Variants in CNGB3 observed in about 807,000 individuals in gnomAD.
CNGB3 encodes the protein cyclic nucleotide gated channel subunit beta 3.
A neutral mutation model predicts 92.8 loss-of-function variants in CNGB3; 86 were observed. The observed-to-expected ratio is 0.93, with a 90% CI of 0.78 to 1.11. The LOEUF (loss-of-function observed/expected upper bound fraction) is 1.11, where lower values mean the gene tolerates loss of function less well. CNGB3 is among the 50% of genes least tolerant of loss of function. The pLI is 0.00. For missense variants in CNGB3, 1,026 were observed against 956.8 expected (o/e 1.07, Z -0.95); for synonymous variants, 333 against 332.7 (o/e 1.00, Z -0.01).
chr8:86,704,958 C>T (rs1202484008), intron 3 of CNGB3, among the ~76,000 whole-genome samples: 2 of 152,116 alleles, frequency 1.3e-5, no homozygotes, highest in African/African-American at 4.8e-5. Context: ...AGGTCACCAG[C>T]AACCCACGAA....
chr8:86,632,991 C>T, intron 10 of CNGB3, 98 bp from the exon 11 acceptor site: 1 of 1,134,400 alleles, frequency 8.8e-7, no homozygotes, highest in Non-Finnish European at 1.3e-6. Flanking sequence ...TAACAAATTT[C>T]CTACTAATCA....
intron 3 of CNGB3, among the ~76,000 whole-genome samples, chr8:86,691,148 T>C (rs552908830): frequency 6.6e-6 from 1 of 152,264 alleles, no homozygotes; most frequent in South Asian, 2.1e-4. Context: ...GTAAAAGGAG[T>C]TGAGTTCTTG....
intron 8 of CNGB3, among the ~76,000 whole-genome samples, chr8:86,645,497 C>T (rs959478660): frequency 4.0e-4 from 61 of 151,234 alleles, no homozygotes; most frequent in African/African-American, 1.5e-3. Flanking sequence ...AAGATGCCCC[C>T]CAAAAGGGTT....
chr8:86,729,262 T>G (rs1350248067), intron 2 of CNGB3, among the ~76,000 whole-genome samples: 1 of 152,214 alleles, frequency 6.6e-6, no homozygotes, highest in African/African-American at 2.4e-5. Context: ...CATCTCTCAT[T>G]CAAGCTACAG....
intron 8 of CNGB3, among the ~76,000 whole-genome samples, chr8:86,645,745 T>A (rs1823282867): frequency 6.6e-6 from 1 of 151,338 alleles, no homozygotes; most frequent in African/African-American, 2.4e-5. Context: ...AACACTCAGA[T>A]TATAATTTAA....
intron 5 of CNGB3, 99 bp downstream of exon 5, chr8:86,667,920 A>G: frequency 7.8e-7 from 1 of 1,288,380 alleles, no homozygotes; most frequent in South Asian, 1.2e-5. Context: ...GATTGAGAAT[A>G]TGAAGTAAGG....
rs115638060 is a variant in CNGB3, at chr8:86,627,861, G to T, written c.1480+1058C>A. On this transcript the variant is annotated intron_variant, in intron 12 of 17. Transcript: ENST00000320005. ...GAACTACACAGGTCCACTTATACAAGAATTTTCTTCCGCCTCTGCTACACC... is the reference window on the plus strand; with the variant it reads ...GAACTACACAGGTCCACTTATACAATAATTTTCTTCCGCCTCTGCTACACC... Among the ~76,000 whole-genome samples the T allele has an allele frequency of 3.2e-3, 493 of 152,248 alleles. 1 individual carries two copies. The highest frequency in any genetic ancestry group is 0.011 in the African/African-American group (460 of 41,544).
At chr8:86,611,777 G>T in intron 13 of CNGB3, 106 bp from the exon 14 acceptor site, 2 of 854,618 alleles carry the variant, frequency 2.3e-6, no homozygotes, top group Non-Finnish European at 3.8e-6. Context: ...GTCTGCATTA[G>T]CATAAAAATA....
chr8:86,684,045 A>G (rs1036640265), intron 3 of CNGB3, among the ~76,000 whole-genome samples: 1 of 152,172 alleles, frequency 6.6e-6, no homozygotes, highest in South Asian at 2.1e-4. Flanking sequence ...TAAAAGCATG[A>G]AAAGGCAAGC....
At chr8:86,644,413 A>T (rs993204975) in intron 9 of CNGB3, among the ~76,000 whole-genome samples, 1 of 151,402 alleles carries the variant, frequency 6.6e-6, no homozygotes, top group Admixed American at 6.6e-5. Flanking sequence ...TTCTTAGTCC[A>T]GTATTCTAAA....
At chr8:86,581,239 A>G (rs1341872219) in intron 15 of CNGB3, among the ~76,000 whole-genome samples, 2 of 152,220 alleles carry the variant, frequency 1.3e-5, no homozygotes, top group African/African-American at 4.8e-5. Flanking sequence ...AACTACAGCC[A>G]TATCTGCTTA....
At chr8:86,718,018 C>T (rs371634945) in intron 3 of CNGB3, among the ~76,000 whole-genome samples, 4 of 151,862 alleles carry the variant, frequency 2.6e-5, no homozygotes, top group Non-Finnish European at 2.9e-5. Flanking sequence ...AAAAGTGGTG[C>T]GAAGAGCAAC....
intron 14 of CNGB3, among the ~76,000 whole-genome samples, chr8:86,606,629 C>T (rs559494324): frequency 6.0e-4 from 92 of 152,138 alleles, no homozygotes; most frequent in South Asian, 3.1e-3. Context: ...TATTTTAATT[C>T]CTATATTTGT....
intron 15 of CNGB3, among the ~76,000 whole-genome samples, chr8:86,583,714 G>A (rs1250750118): frequency 6.6e-6 from 1 of 151,960 alleles, no homozygotes; most frequent in African/African-American, 2.4e-5. Context: ...GAGCCCAGGA[G>A]TTCGAGACCA....
At chr8:86,742,166 C>T (rs761023124) in intron 1 of CNGB3, among the ~76,000 whole-genome samples, 4 of 152,166 alleles carry the variant, frequency 2.6e-5, no homozygotes, top group Non-Finnish European at 5.9e-5. Context: ...TAGCTATTAA[C>T]GGTTTTTATG....
At chr8:86,625,914 T>C in intron 13 of CNGB3, 69 bp downstream of exon 13, 1 of 1,258,360 alleles carries the variant, frequency 7.9e-7, no homozygotes, top group Non-Finnish European at 1.2e-6. Context: ...TCATAAATGC[T>C]GTATAAATCA....
chr8:86,665,789 A>G (rs1823730302), intron 6 of CNGB3, among the ~76,000 whole-genome samples: 1 of 152,152 alleles, frequency 6.6e-6, no homozygotes, highest in Non-Finnish European at 1.5e-5. Context: ...AAACCTAATT[A>G]TTGGGTACTA....
intron 3 of CNGB3, among the ~76,000 whole-genome samples, chr8:86,718,737 A>G (rs1824910567): frequency 6.6e-6 from 1 of 152,140 alleles, no homozygotes; most frequent in African/African-American, 2.4e-5. Context: ...CTACAGATCA[A>G]TATCCCTGAT....
intron 14 of CNGB3, among the ~76,000 whole-genome samples, chr8:86,604,550 C>T (rs1314892344): frequency 3.3e-5 from 5 of 152,128 alleles, no homozygotes; most frequent in Non-Finnish European, 5.9e-5. Context: ...GCTTTGATGA[C>T]CACCACTATG....
Sources: allele counts gnomAD v4.1 joint callset (sites outside exome capture counted in the v4.1 genomes callset), GRCh38; gene constraint gnomAD v4.1.1; transcripts MANE v1.5; gene names NCBI Gene and HGNC (gene_info 2026-07-23, HGNC 2026-07-21).